Variants in CEP290 observed in about 807,000 individuals in gnomAD.
CEP290 encodes the protein centrosomal protein of 290 kDa.
In CEP290, 317 loss-of-function variants were observed where a neutral mutation model predicts 344.9. The observed-to-expected ratio is 0.92, with a 90% CI of 0.84 to 1.01. The LOEUF (loss-of-function observed/expected upper bound fraction) is 1.01, where lower values mean the gene tolerates loss of function less well. Among genes scored for constraint, CEP290 ranks in the 50% least tolerant of loss-of-function variants. The pLI is 0.00. For missense variants in CEP290, 2,754 were observed against 2,761.4 expected (o/e 1.00, Z 0.06); for synonymous variants, 932 against 895.8 (o/e 1.04, Z -0.72).
chr12:88,110,044 T>A (rs1011204201), intron 22 of CEP290, among the ~76,000 whole-genome samples: 4 of 151,916 alleles, frequency 2.6e-5, no homozygotes, highest in African/African-American at 9.7e-5. Flanking sequence ...ATCCCAATAT[T>A]GAGAAAAAGA....
In CEP290 at chr12:88,071,296, CATATACAAT is replaced by C; in HGVS notation, c.6000_6008del (p.Ile2000_Tyr2002del). ...CACATTTCCACATAATAGCTTACCT[CATATACAAT>C]ATATCATTTTCTAAGTCAAGATTTC... On this transcript the variant is annotated inframe_deletion, in exon 43 of 54. Coordinates refer to ENST00000552810, the MANE Select transcript of CEP290 (RefSeq NM_025114.4). 1 of 1,600,758 alleles carries C rather than the reference CATATACAAT, an allele frequency of 6.2e-7. No individual in the cohort carries two copies. Among genetic ancestry groups the C allele is most frequent in the Non-Finnish European group, 8.5e-7 (1 of 1,171,288 alleles).
chr12:88,116,741 G>A (rs1177884368), intron 18 of CEP290, among the ~76,000 whole-genome samples: 1 of 152,064 alleles, frequency 6.6e-6, no homozygotes, highest in African/African-American at 2.4e-5. Context: ...TTGGGAGGCC[G>A]AGGCGGGCGG....
chr12:88,051,678 A>G (rs2033548743), intron 52 of CEP290: 1 of 152,184 alleles, frequency 6.6e-6, no homozygotes, highest in Non-Finnish European at 1.5e-5. Flanking sequence ...TGAGGAATGG[A>G]AAGATTAGAG....
At chr12:88,132,076 TAC>T (rs1192792424) in intron 6 of CEP290, among the ~76,000 whole-genome samples, 1 of 152,204 alleles carries the variant, frequency 6.6e-6, no homozygotes, top group East Asian at 1.9e-4. Context: ...ACAAGAAGCA[TAC>T]AGAGTTCTTA....
At chr12:88,130,450 A>G in intron 8 of CEP290, 30 bp from the exon 9 acceptor site, 1 of 1,600,046 alleles carries the variant, frequency 6.2e-7, no homozygotes, top group Non-Finnish European at 8.5e-7. Context: ...ACATTCAATT[A>G]CAAAACTATT....
chr12:88,071,760 TATA>T lies in CEP290; in HGVS notation c.5855+18_5855+20del, dbSNP rs1442503417. On this transcript the variant is annotated intron_variant, in intron 42 of 53. Coordinates refer to ENST00000552810, the MANE Select transcript of CEP290 (RefSeq NM_025114.4). ...AAAGGATTTTACACATAATTAGTTT[TATA>T]ATGATATTTAAACTCACTTGGCAAA... 6.5e-7 allele frequency: 1 copy of T among 1,548,592 alleles called. No homozygotes were observed. Among genetic ancestry groups the T allele is most frequent in the East Asian group, 2.3e-5 (1 of 43,052 alleles).
At chr12:88,083,275 G>T in intron 36 of CEP290, 45 bp from the exon 37 acceptor site, 1 of 1,049,714 alleles carries the variant, frequency 9.5e-7, no homozygotes, top group Non-Finnish European at 1.3e-6. Context: ...ATAATTCAAT[G>T]CCATACTTAT....
chr12:88,071,501 T>C lies in CEP290; in HGVS notation c.5856-52A>G. The C allele has an allele frequency of 2.7e-6, 4 of 1,455,746 alleles. No individual in the cohort carries two copies. The South Asian group carries it at 5.1e-5, about 19-fold the overall frequency. 90.2% of individuals were successfully genotyped at this position (1,455,746 alleles called of 1,614,324 possible). ...AATATACCATTCAGTGTTTGGCTTT[T>C]CAATTGCATACTCATTACCAAACCA... On this transcript the variant is annotated intron_variant, in intron 42 of 53. Coordinates refer to ENST00000552810, the MANE Select transcript of CEP290 (RefSeq NM_025114.4).
chr12:88,130,180 A>G (rs898594107), intron 9 of CEP290, 88 bp downstream of exon 9: 16 of 1,273,246 alleles, frequency 1.3e-5, no homozygotes, highest in Non-Finnish European at 1.5e-5. Flanking sequence ...CAGGGAATTT[A>G]CATGTAGGGC....
intron 35 of CEP290, 103 bp from the exon 36 acceptor site, chr12:88,084,057 G>T: frequency 1.4e-6 from 1 of 727,144 alleles, no homozygotes; most frequent in Non-Finnish European, 2.3e-6. Flanking sequence ...AAATTCCTTT[G>T]AGATGAGGAA....
chr12:88,080,517 C>G, intron 37 of CEP290, 122 bp from the exon 38 acceptor site: 1 of 657,644 alleles, frequency 1.5e-6, no homozygotes, highest in Non-Finnish European at 2.5e-6. Context: ...GCAACCTCTG[C>G]CTCCCAGATT....
chr12:88,103,958 C>T (rs1211885651), intron 25 of CEP290: 2 of 151,926 alleles, frequency 1.3e-5, no homozygotes, highest in African/African-American at 4.8e-5. Flanking sequence ...TTTTTCTTGG[C>T]TCTTCAATTG....
chr12:88,077,346 T>A lies in CEP290; in HGVS notation c.5587-2A>T. 1 of 1,473,172 alleles carries A rather than the reference T, an allele frequency of 6.8e-7. No homozygotes were observed. Among genetic ancestry groups the A allele is most frequent in the Non-Finnish European group, 9.1e-7 (1 of 1,101,124 alleles). The allele number at this position is 1,473,172 out of a possible 1,614,324, so 91.3% of individuals were successfully genotyped here. On this transcript the variant is annotated splice_acceptor_variant, in intron 40 of 53. Coordinates refer to ENST00000552810, the MANE Select transcript of CEP290 (RefSeq NM_025114.4). LOFTEE classifies it high-confidence loss of function. ...TTTATTATCTGTCAGGGGTTTGCCC[T>A]AAAAAATAAAATGTAACTTTATATT... is the stretch of plus-strand genomic sequence containing the variant.
rs539400286 is a variant in CEP290, at chr12:88,086,083, G to A, written c.4393C>T (p.Arg1465Ter). The A allele has an allele frequency of 8.7e-6, 14 of 1,612,632 alleles. No individual in the cohort carries two copies. Among genetic ancestry groups the A allele is most frequent in the Admixed American group, 3.3e-5 (2 of 59,912 alleles). ...GTTGCCCGTGTTTCTAGAATTATTC[G>A]AATGTTCTCCTTAATTTTCCTTAGA... is the stretch of plus-strand genomic sequence containing the variant. The part of the protein sequence containing the change: ...IALRKIKENI[R>*]IILETRATCK... The change falls in exon 34 of 54, where the codon CGA (arginine) becomes TGA (stop). Residue 1465 changes from arginine to a stop codon, truncating the protein, a stop_gained. Transcript: ENST00000552810. LOFTEE classifies it high-confidence loss of function.
chr12:88,130,393 CAATA>C lies in CEP290; in HGVS notation c.540_543del (p.Ile180MetfsTer7). The C allele has an allele frequency of 6.2e-7, 1 of 1,607,294 alleles. No homozygotes were observed. Among genetic ancestry groups the C allele is most frequent in the Non-Finnish European group, 8.5e-7 (1 of 1,177,878 alleles). On this transcript the variant is annotated frameshift_variant, in exon 9 of 54. Transcript: ENST00000552810. LOFTEE classifies it high-confidence loss of function. ...TGTGAATCTATTTGTTTCTGGTAGT[CAATA>C]ATATCCTGACAAAGTTGTTCATTCT...
At position 88,125,343 on chromosome 12, in the gene CEP290, A is replaced by C. The variant is rs201988582; in HGVS notation, c.1092T>G (p.Ile364Met). 5.2e-4 allele frequency: 689 copies of C among 1,321,500 alleles called. 1 individual carries two copies. The highest frequency in any genetic ancestry group is 3.8e-3 in the Middle Eastern group (20 of 5,204). The allele number at this position is 1,321,500 out of a possible 1,614,324, so 81.9% of individuals were successfully genotyped here. The change falls in exon 13 of 54, where the codon ATT becomes ATG. Residue 364 changes from isoleucine to methionine, a missense_variant. Transcript: ENST00000552810. ...GTTCTACTTGTTCGGTGAGCATCTT[A>C]ATTTGACTGTCTCGTTCCTGTATAC... is the stretch of plus-strand genomic sequence containing the variant. ...QQGIQERDSQ[I>M]KMLTEQVEQY...
intron 23 of CEP290, among the ~76,000 whole-genome samples, chr12:88,108,695 C>G (rs1187401109): frequency 1.3e-5 from 2 of 152,172 alleles, no homozygotes; most frequent in Non-Finnish European, 2.9e-5. Flanking sequence ...GTGCCACACA[C>G]TAGTCCGAGC....
chr12:88,134,088 T>G (rs1280919389), intron 6 of CEP290, among the ~76,000 whole-genome samples: 1 of 152,170 alleles, frequency 6.6e-6, no homozygotes. Flanking sequence ...GGGTCTCTTG[T>G]GAATTCCATA....
chr12:88,067,341 C>T (rs991166530), intron 44 of CEP290, among the ~76,000 whole-genome samples: 2 of 152,106 alleles, frequency 1.3e-5, no homozygotes, highest in Non-Finnish European at 1.5e-5. Flanking sequence ...ACACACTTTC[C>T]CATTTGCACT....
Sources: gnomAD v4.1 joint callset for allele counts (sites outside exome capture counted in the v4.1 genomes callset) on GRCh38, gnomAD v4.1.1 for gene constraint, MANE v1.5 for transcripts, NCBI Gene and HGNC (gene_info 2026-07-23, HGNC 2026-07-21) for gene names.